Variants in GALNT18 observed in about 807,000 individuals in gnomAD.
GALNT18 encodes polypeptide N-acetylgalactosaminyltransferase 18, also known as GalNAc-transferase 18.
In GALNT18, 44 loss-of-function variants were observed where a neutral mutation model predicts 69.5. That is an observed-to-expected ratio of 0.63 (90% CI 0.50 to 0.81). GALNT18 has a LOEUF of 0.81. Among genes scored for constraint, GALNT18 ranks in the 40% least tolerant of loss-of-function variants. The pLI is 0.00. For synonymous variants in GALNT18, 364 were observed against 318.2 expected, an observed-to-expected ratio of 1.14 and a Z score of -1.53; for missense variants, 715 against 810.0, an observed-to-expected ratio of 0.88 and a Z score of 1.42.
chr11:11,309,983 A>G lies in GALNT18; in HGVS notation c.1513-16790T>C, dbSNP rs1849642411. Among the ~76,000 whole-genome samples the G allele has an allele frequency of 6.6e-6, 1 of 151,920 alleles. No homozygotes were observed. The highest frequency in any genetic ancestry group is 2.4e-5 in the African/African-American group (1 of 41,342). On this transcript the variant is annotated intron_variant, in intron 9 of 10. Coordinates refer to ENST00000227756, the MANE Select transcript of GALNT18 (RefSeq NM_198516.3). This position sits in a 1 kb window ranked among gnomAD's most constrained non-coding sequence, Gnocchi z 4.6. ...CTTCAGTCTCAAAACATGTTCCCTTATTGCTTTCTTTAAAAAGCAAATCCA... is the reference window on the plus strand; with the variant it reads ...CTTCAGTCTCAAAACATGTTCCCTTGTTGCTTTCTTTAAAAAGCAAATCCA...
chr11:11,310,448 T>C lies in GALNT18; in HGVS notation c.1512+16638A>G, dbSNP rs534745160. On this transcript the variant is annotated intron_variant, in intron 9 of 10. Coordinates refer to ENST00000227756, the MANE Select transcript of GALNT18 (RefSeq NM_198516.3). ...TGAATGACCCAGCATATTCCAAGGA[T>C]GCTAAAAATGCTGCGGAGATGTAAA... 2.6e-5 allele frequency among the ~76,000 whole-genome samples: 4 copies of C among 152,322 alleles called. No homozygotes were observed. The South Asian group carries it at 6.2e-4, about 24-fold the overall frequency.
Position 11,340,390 on chromosome 11 carries a change from G to A in GALNT18, c.1278+429C>T, listed in dbSNP as rs573239876. On this transcript the variant is annotated intron_variant, in intron 7 of 10. Transcript: ENST00000227756. This position sits in a 1 kb window ranked among gnomAD's most constrained non-coding sequence, Gnocchi z 4.2. ...GTGGATCTTTATAACTCTGGTCAAAGGTTCAATGGAGAAGTTTGAACCTAA... is the reference window on the plus strand; with the variant it reads ...GTGGATCTTTATAACTCTGGTCAAAAGTTCAATGGAGAAGTTTGAACCTAA... Among the ~76,000 whole-genome samples the A allele has an allele frequency of 6.7e-6, 1 of 148,410 alleles. No individual in the cohort carries two copies. The highest frequency in any genetic ancestry group is 2.0e-4 in the East Asian group (1 of 5,048).
intron 3 of GALNT18, among the ~76,000 whole-genome samples, chr11:11,407,672 C>T (rs1315175147): frequency 6.6e-6 from 1 of 152,204 alleles, no homozygotes; most frequent in Non-Finnish European, 1.5e-5. Flanking sequence ...GGAGGCACTG[C>T]AGGACAAGGG....
chr11:11,295,052 G>C (rs1849371787), intron 9 of GALNT18, among the ~76,000 whole-genome samples: 1 of 152,210 alleles, frequency 6.6e-6, no homozygotes, highest in African/African-American at 2.4e-5. Context: ...AAAAGAGGGT[G>C]GTTGACAACT....
intron 1 of GALNT18, among the ~76,000 whole-genome samples, chr11:11,551,087 A>C (rs1177578802): frequency 2.9e-5 from 1 of 34,756 alleles, no homozygotes. Flanking sequence ...TACGGTACCA[A>C]AAAAAAAAAA....
Position 11,503,201 on chromosome 11 carries a change from G to A in GALNT18, c.236-54265C>T, listed in dbSNP as rs182589156. Reference sequence around the variant, plus strand: ...AGGCATCGGAGGTAATATGCTTTAGGAGGAACAGTGAGATTTTGGAGTCAG... The same window carrying A: ...AGGCATCGGAGGTAATATGCTTTAGAAGGAACAGTGAGATTTTGGAGTCAG... On this transcript the variant is annotated intron_variant, in intron 1 of 10. Coordinates refer to ENST00000227756, the MANE Select transcript of GALNT18 (RefSeq NM_198516.3). 1.2e-3 allele frequency among the ~76,000 whole-genome samples: 178 copies of A among 152,290 alleles called. 1 individual carries two copies. Among genetic ancestry groups the A allele is most frequent in the Non-Finnish European group, 1.5e-3 (104 of 68,030 alleles).
Position 11,310,548 on chromosome 11 carries a change from T to A in GALNT18, c.1512+16538A>T, listed in dbSNP as rs150096530. 4.9e-3 allele frequency among the ~76,000 whole-genome samples: 748 copies of A among 152,278 alleles called. 4 individuals are homozygous for A. Among genetic ancestry groups the A allele is most frequent in the African/African-American group, 0.016 (682 of 41,560 alleles). On this transcript the variant is annotated intron_variant, in intron 9 of 10. Coordinates refer to ENST00000227756, the MANE Select transcript of GALNT18 (RefSeq NM_198516.3). ...TCCTGCAGAAAAAATTGTTATAAAA[T>A]TTTTCTTTTAAAAAGTGTCCTTCAC...
chr11:11,323,461 C>G lies in GALNT18; in HGVS notation c.1512+3625G>C, dbSNP rs1022864272. On this transcript the variant is annotated intron_variant, in intron 9 of 10. Transcript: ENST00000227756. ...AGTCAAATTCCATTAGCTCTTAAGG[C>G]TCAAGAATAACCCTCTTTGGCTCAA... is the stretch of plus-strand genomic sequence containing the variant. 2.0e-5 allele frequency among the ~76,000 whole-genome samples: 3 copies of G among 152,226 alleles called. No homozygotes were observed. In the East Asian group the frequency reaches 5.8e-4, roughly 29 times the overall value.
intron 9 of GALNT18, among the ~76,000 whole-genome samples, chr11:11,325,767 A>C (rs1300525991): frequency 6.6e-6 from 1 of 152,172 alleles, no homozygotes; most frequent in Non-Finnish European, 1.5e-5. Context: ...CATTGTTAAC[A>C]ATGAGGAACG....
At chr11:11,557,890 C>G (rs1290399792) in intron 1 of GALNT18, among the ~76,000 whole-genome samples, 1 of 152,148 alleles carries the variant, frequency 6.6e-6, no homozygotes, top group Non-Finnish European at 1.5e-5. Flanking sequence ...TTGACATTTC[C>G]CCAGCTTGAA....
Position 11,402,584 on chromosome 11 carries a change from G to A in GALNT18, c.596-23320C>T, listed in dbSNP as rs1854492624. Among the ~76,000 whole-genome samples the A allele has an allele frequency of 6.6e-6, 1 of 152,230 alleles. No individual in the cohort carries two copies. The highest frequency in any genetic ancestry group is 1.5e-5 in the Non-Finnish European group (1 of 68,040). On this transcript the variant is annotated intron_variant, in intron 3 of 10. Transcript: ENST00000227756. The surrounding 1 kb of genome is among the most constrained non-coding windows in gnomAD (Gnocchi z 4.0). ...GAGGACATCAGCCACAGCTCTTGGAGAGAAGGATTGCACATGGCATGGCTT... is the reference window on the plus strand; with the variant it reads ...GAGGACATCAGCCACAGCTCTTGGAAAGAAGGATTGCACATGGCATGGCTT...
At chr11:11,277,345 C>T (rs944669220) in intron 10 of GALNT18, among the ~76,000 whole-genome samples, 6 of 152,154 alleles carry the variant, frequency 3.9e-5, no homozygotes, top group African/African-American at 1.4e-4. Flanking sequence ...TCTGTGGGAT[C>T]AGTGGTAATA....
At chr11:11,458,763 G>A (rs1263001666) in intron 1 of GALNT18, among the ~76,000 whole-genome samples, 1 of 152,192 alleles carries the variant, frequency 6.6e-6, no homozygotes, top group Admixed American at 6.5e-5. Flanking sequence ...TCGCCTTCAC[G>A]GCCTGTGGGC....
chr11:11,607,770 TGTC>T (rs1428480645), intron 1 of GALNT18, among the ~76,000 whole-genome samples: 2 of 152,006 alleles, frequency 1.3e-5, no homozygotes, highest in Non-Finnish European at 2.9e-5. Flanking sequence ...GGGAAAAATC[TGTC>T]CTCAAGAAGA....
chr11:11,333,336 G>C (rs1457804851), intron 7 of GALNT18, among the ~76,000 whole-genome samples: 3 of 152,108 alleles, frequency 2.0e-5, no homozygotes, highest in Non-Finnish European at 4.4e-5. Flanking sequence ...TTCTGAATGA[G>C]ACATGCAATA....
At chr11:11,303,660 G>T (rs980862280) in intron 9 of GALNT18, among the ~76,000 whole-genome samples, 1 of 152,088 alleles carries the variant, frequency 6.6e-6, no homozygotes, top group Admixed American at 6.6e-5. Context: ...GCCTTCTGGG[G>T]ACTCCACATC....
At chr11:11,360,955 A>G (rs1233058484) in intron 6 of GALNT18, among the ~76,000 whole-genome samples, 1 of 152,212 alleles carries the variant, frequency 6.6e-6, no homozygotes, top group Non-Finnish European at 1.5e-5. Context: ...TTGGTAGATC[A>G]AAGAACACAG....
In GALNT18 at chr11:11,598,903, G is replaced by C. The variant is rs1859565378; in HGVS notation, c.235+22456C>G. On this transcript the variant is annotated intron_variant, in intron 1 of 10. Transcript: ENST00000227756. This position sits in a 1 kb window ranked among gnomAD's most constrained non-coding sequence, Gnocchi z 4.8. ...TATTTTTTAATTTTCTAGATTTCCT[G>C]CTGTTATTGGTTCAATTACATTTCA... Among the ~76,000 whole-genome samples, 1 of 151,720 alleles carries C rather than the reference G, an allele frequency of 6.6e-6. No homozygotes were observed. Among genetic ancestry groups the C allele is most frequent in the Non-Finnish European group, 1.5e-5 (1 of 67,908 alleles).
chr11:11,481,694 G>A (rs560355943), intron 1 of GALNT18, among the ~76,000 whole-genome samples: 203 of 152,272 alleles, frequency 1.3e-3, no homozygotes, highest in African/African-American at 4.5e-3. Flanking sequence ...GGTGCTGGTG[G>A]TTGGAATTTG....
Sources: gnomAD v4.1 joint callset for allele counts (sites outside exome capture counted in the v4.1 genomes callset) on GRCh38, gnomAD v4.1.1 for gene constraint, Gnocchi (gnomAD v3.1) non-coding constraint, MANE v1.5 for transcripts, NCBI Gene and HGNC (gene_info 2026-07-23, HGNC 2026-07-21) for gene names.